ARHGAP31: variants seen among roughly 807,000 people sequenced by gnomAD.
ARHGAP31 encodes the protein rho GTPase-activating protein 31.
A neutral mutation model predicts 113.9 loss-of-function variants in ARHGAP31; 34 were observed. That is an observed-to-expected ratio of 0.30 (90% CI 0.23 to 0.40). ARHGAP31 has a LOEUF of 0.40. ARHGAP31 is among the 10% of genes least tolerant of loss of function. ARHGAP31 has a pLI of 1.00. For missense variants in ARHGAP31, 1,548 were observed against 1,767.1 expected (o/e 0.88, Z 2.22); for synonymous variants, 650 against 684.8 (o/e 0.95, Z 0.79).
intron 3 of ARHGAP31, among the ~76,000 whole-genome samples, chr3:119,369,109 T>G (rs1051107768): frequency 3.9e-5 from 6 of 152,206 alleles, no homozygotes; most frequent in African/African-American, 1.4e-4. Flanking sequence ...AAGTAGCAGC[T>G]GTATGGTCAC....
rs573700150 is a variant in ARHGAP31 at position 119,318,004 on chromosome 3, T to C, written c.100+23000T>C. Reference sequence around the variant, plus strand: ...AAGAGTCCTGTCAGTTTGTTCACGGTTTTTAAATAGATGGTCTGAAGGATT... The same window carrying C: ...AAGAGTCCTGTCAGTTTGTTCACGGCTTTTAAATAGATGGTCTGAAGGATT... On this transcript the variant is annotated intron_variant, in intron 1 of 11. Transcript: ENST00000264245. Among the ~76,000 whole-genome samples the C allele has an allele frequency of 7.5e-4, 114 of 152,258 alleles. 2 individuals are homozygous for C. Among genetic ancestry groups the C allele is most frequent in the Admixed American group, 3.3e-3 (51 of 15,302 alleles).
intron 1 of ARHGAP31, among the ~76,000 whole-genome samples, chr3:119,319,514 G>GAAA: frequency 6.6e-6 from 1 of 151,950 alleles, no homozygotes; most frequent in South Asian, 2.1e-4. Context: ...TAAATTGCAG[G>GAAA]ATATCAAGCA....
At chr3:119,356,046 A>G (rs541675865) in intron 1 of ARHGAP31, among the ~76,000 whole-genome samples, 1 of 152,350 alleles carries the variant, frequency 6.6e-6, no homozygotes, top group Non-Finnish European at 1.5e-5. Context: ...GCAACACCTC[A>G]CACTTGGTGC....
intron 3 of ARHGAP31, 123 bp from the exon 4 acceptor site, chr3:119,380,781 G>A: frequency 1.2e-6 from 1 of 815,280 alleles, no homozygotes; most frequent in Non-Finnish European, 2.1e-6. Flanking sequence ...ATGCCTCTTG[G>A]AAGGATGATC....
Position 119,312,684 on chromosome 3 carries a change from C to T in ARHGAP31, c.100+17680C>T, listed in dbSNP as rs79604682. On this transcript the variant is annotated intron_variant, in intron 1 of 11. Coordinates refer to ENST00000264245, the MANE Select transcript of ARHGAP31 (RefSeq NM_020754.4). The stretch of plus-strand genomic sequence containing the variant: ...AAAGTCCCTTCCCACATCCTTGTAG[C>T]CCCATTTGTCAGTTATCAGTCTAGA... 6.5e-3 allele frequency among the ~76,000 whole-genome samples: 989 copies of T among 152,302 alleles called. 16 individuals are homozygous for T. The highest frequency in any genetic ancestry group is 0.061 in the East Asian group (318 of 5,186).
At chr3:119,344,469 G>A (rs1347821734) in intron 1 of ARHGAP31, among the ~76,000 whole-genome samples, 1 of 152,194 alleles carries the variant, frequency 6.6e-6, no homozygotes, top group Non-Finnish European at 1.5e-5. Flanking sequence ...TAGGAATACA[G>A]AGGTGTACAA....
chr3:119,400,192 G>A (rs1336730536), intron 9 of ARHGAP31, among the ~76,000 whole-genome samples: 1 of 152,212 alleles, frequency 6.6e-6, no homozygotes, highest in Non-Finnish European at 1.5e-5. Flanking sequence ...AGCACTTTGG[G>A]AGGCTGAGGC....
intron 3 of ARHGAP31, among the ~76,000 whole-genome samples, chr3:119,378,333 G>A (rs1055345786): frequency 6.6e-6 from 1 of 152,108 alleles, no homozygotes; most frequent in African/African-American, 2.4e-5. Flanking sequence ...AATTTAGAAA[G>A]CTTCTGGAGA....
intron 1 of ARHGAP31, among the ~76,000 whole-genome samples, chr3:119,323,503 CT>C (rs373335506): frequency 1.7e-4 from 25 of 149,384 alleles, no homozygotes; most frequent in Admixed American, 2.0e-4. Flanking sequence ...TTTTCTTCTT[CT>C]TTTTTTTTTA....
chr3:119,380,787 T>C, intron 3 of ARHGAP31, 117 bp from the exon 4 acceptor site: 1 of 838,682 alleles, frequency 1.2e-6, no homozygotes, highest in Non-Finnish European at 2.0e-6. Flanking sequence ...CTTGGAAGGA[T>C]GATCTCTAGG....
chr3:119,308,833 T>A (rs2079653311), intron 1 of ARHGAP31, among the ~76,000 whole-genome samples: 1 of 152,152 alleles, frequency 6.6e-6, no homozygotes, highest in Non-Finnish European at 1.5e-5. Flanking sequence ...GGTCATTATA[T>A]GATTTTTTTT....
In ARHGAP31 at chr3:119,398,989, T is replaced by C. The variant is rs76168470; in HGVS notation, c.1007-210T>C. Among the ~76,000 whole-genome samples the C allele has an allele frequency of 0.015, 2,340 of 152,304 alleles. 66 individuals carry two copies. The highest frequency in any genetic ancestry group is 0.054 in the African/African-American group (2,255 of 41,548). On this transcript the variant is annotated intron_variant, in intron 8 of 11. Coordinates refer to ENST00000264245, the MANE Select transcript of ARHGAP31 (RefSeq NM_020754.4). ...TTGTAAAATATTAATAAAACTTTGA[T>C]CTATAACTGCCCTGAGTTTATTAGG...
Position 119,409,488 on chromosome 3 carries a change from C to T in ARHGAP31, c.1646-8C>T. 6.2e-7 allele frequency: 1 copy of T among 1,614,096 alleles called. No homozygotes were observed. Among genetic ancestry groups the T allele is most frequent in the East Asian group, 2.2e-5 (1 of 44,884 alleles). On this transcript the variant is annotated splice_region_variant and splice_polypyrimidine_tract_variant and intron_variant, in intron 10 of 11. Transcript: ENST00000264245. Reference sequence around the variant, plus strand: ...TCCTTTAACTGATAACTCTCATTTTCACTGCAGCTTCTGTACCTAAGAAGG... The same window carrying T: ...TCCTTTAACTGATAACTCTCATTTTTACTGCAGCTTCTGTACCTAAGAAGG...
chr3:119,294,904 C>A lies in ARHGAP31; in HGVS notation c.-1C>A, dbSNP rs1448115267. 3 of 1,613,882 alleles carry A rather than the reference C, an allele frequency of 1.9e-6. No homozygotes were observed. The highest frequency in any genetic ancestry group is 2.5e-6 in the Non-Finnish European group (3 of 1,179,960). On this transcript the variant is annotated 5_prime_UTR_variant, in exon 1 of 12. Transcript: ENST00000264245. The stretch of plus-strand genomic sequence containing the variant: ...AGGGGCAGCCTCTTTGGGACTAACT[C>A]ATGAAGAACAAGGGTGCTAAGCAGA...
chr3:119,307,940 C>CAAAAAAAAAAAAAAAAAAAAAAACAAAAA (rs71156742), intron 1 of ARHGAP31, among the ~76,000 whole-genome samples: 1 of 45,450 alleles, frequency 2.2e-5, no homozygotes, highest in Non-Finnish European at 3.7e-5. Flanking sequence ...GAATTAACAG[C>CAAAAAAAAAAAAAAAAAAAAAAACAAAAA]AAAAAAAAAA....
At chr3:119,358,752 AT>A (rs947203534) in intron 1 of ARHGAP31, among the ~76,000 whole-genome samples, 1 of 152,220 alleles carries the variant, frequency 6.6e-6, no homozygotes, top group Non-Finnish European at 1.5e-5. Flanking sequence ...AAGGCCACAT[AT>A]TTTAAGATCT....
rs141069016 is a variant in ARHGAP31 at position 119,328,072 on chromosome 3, G to A, written c.100+33068G>A. On this transcript the variant is annotated intron_variant, in intron 1 of 11. Coordinates refer to ENST00000264245, the MANE Select transcript of ARHGAP31 (RefSeq NM_020754.4). The stretch of plus-strand genomic sequence containing the variant: ...TAGATGTCTCATATTAGAAATCCAG[G>A]AAAAATGTTTGATTTAAAAAATCAG... Among the ~76,000 whole-genome samples, 940 of 152,154 alleles carry A rather than the reference G, an allele frequency of 6.2e-3. 4 individuals carry two copies. The highest frequency in any genetic ancestry group is 0.01 in the Non-Finnish European group (690 of 68,004).
chr3:119,394,981 T>C (rs2080536640), intron 8 of ARHGAP31, among the ~76,000 whole-genome samples: 1 of 152,186 alleles, frequency 6.6e-6, no homozygotes, highest in Admixed American at 6.5e-5. Flanking sequence ...TTAAAATAAC[T>C]AGCAAATTAT....
At chr3:119,358,053 C>G (rs2080173521) in intron 1 of ARHGAP31, among the ~76,000 whole-genome samples, 1 of 152,088 alleles carries the variant, frequency 6.6e-6, no homozygotes, top group South Asian at 2.1e-4. Flanking sequence ...TTCTGTGCTT[C>G]AAAGAACACC....
Sources: gnomAD v4.1 joint callset for allele counts (sites outside exome capture counted in the v4.1 genomes callset) on GRCh38, gnomAD v4.1.1 for gene constraint, MANE v1.5 for transcripts, NCBI Gene and HGNC (gene_info 2026-07-23, HGNC 2026-07-21) for gene names.